ABCA4: variants seen among roughly 807,000 people sequenced by gnomAD.
The protein encoded by ABCA4 is ATP binding cassette subfamily A member 4, also known as retinal-specific phospholipid-transporting ATPase ABCA4.
A neutral mutation model predicts 263.7 loss-of-function variants in ABCA4; 196 were observed. The observed-to-expected ratio is 0.74, with a 90% CI of 0.66 to 0.84. The LOEUF is 0.84. Ranked by LOEUF, ABCA4 falls within the 40% of genes least tolerant of loss-of-function variation. The probability of loss-of-function intolerance (pLI) is 0.00; values close to 1 mark genes in which losing one functional copy is unlikely to be tolerated. For synonymous variants in ABCA4, 1,133 were observed against 1,094.2 expected, an observed-to-expected ratio of 1.04 and a Z score of -0.70; for missense variants, 2,792 against 2,855.1, an observed-to-expected ratio of 0.98 and a Z score of 0.50.
rs1014460684 is a variant in ABCA4, at chr1:94,103,010, C to G, written c.570+5G>C. 2 of 1,614,056 alleles carry G rather than the reference C, an allele frequency of 1.2e-6. No individual in the cohort carries two copies. Among genetic ancestry groups the G allele is most frequent in the African/African-American group, 1.3e-5 (1 of 74,928 alleles). On this transcript the variant is annotated splice_donor_5th_base_variant and intron_variant, in intron 5 of 49. Coordinates refer to ENST00000370225, the MANE Select transcript of ABCA4 (RefSeq NM_000350.3). ...AGGGACCACTGGCCAGTGACATCCC[C>G]CTACCTGCTCTGGACGGACTTGAGA...
intron 1 of ABCA4, 94 bp downstream of exon 1, chr1:94,120,886 T>TCCCCCCCCCCCCCCCCCCCCCCCCCCCCC: frequency 6.4e-6 from 1 of 155,290 alleles, no homozygotes; most frequent in Non-Finnish European, 1.3e-5. Flanking sequence ...CCCCCCACCC[T>TCCCCCCCCCCCCCCCCCCCCCCCCCCCCC]GCCCCACCAC....
chr1:94,029,705 G>T, intron 29 of ABCA4, 74 bp from the exon 30 acceptor site: 1 of 1,421,212 alleles, frequency 7.0e-7, no homozygotes, highest in Non-Finnish European at 9.8e-7. Context: ...AAGAAATTGT[G>T]CCCAACCCTT....
intron 5 of ABCA4, 22 bp downstream of exon 5, chr1:94,102,993 C>A (rs746102216): frequency 2.5e-6 from 4 of 1,614,148 alleles, no homozygotes; most frequent in South Asian, 1.1e-5. Flanking sequence ...CCAGGGACCA[C>A]TGGCCAGTGA....
In ABCA4 at chr1:94,036,730, A is replaced by G. The variant is rs374978842; in HGVS notation, c.3862+10T>C. On this transcript the variant is annotated intron_variant, in intron 26 of 49. Coordinates refer to ENST00000370225, the MANE Select transcript of ABCA4 (RefSeq NM_000350.3). ...AGGAAGGGAACAAGCCACTGGCTCC[A>G]GCACCATACCCGCAAACAGAGGTCC... 2 of 1,614,026 alleles carry G rather than the reference A, an allele frequency of 1.2e-6. No individual in the cohort carries two copies. The highest frequency in any genetic ancestry group is 1.7e-6 in the Non-Finnish European group (2 of 1,179,878).
In ABCA4 at chr1:94,056,758, G is replaced by A. The variant is rs201242928; in HGVS notation, c.2225C>T (p.Thr742Ile). The part of the protein sequence containing the change: ...ILFLFLLAFS[T>I]ATIMLCFLLS... ...CAGAAAGCACAGCATGATGGTGGCA[G>A]TGGAGAAAGCCAACAAGAACAGGAA... The change falls in exon 15 of 50, where the codon ACT becomes ATT. Residue 742 changes from threonine to isoleucine, a missense_variant. Thr to Ile is a moderately conservative substitution (Grantham distance 89). Coordinates refer to ENST00000370225, the MANE Select transcript of ABCA4 (RefSeq NM_000350.3). 1 of 1,613,708 alleles carries A rather than the reference G, an allele frequency of 6.2e-7. No individual in the cohort carries two copies. Among genetic ancestry groups the A allele is most frequent in the Non-Finnish European group, 8.5e-7 (1 of 1,179,788 alleles).
chr1:94,079,541 A>G, intron 8 of ABCA4, 80 bp from the exon 9 acceptor site: 1 of 1,594,734 alleles, frequency 6.3e-7, no homozygotes, highest in Non-Finnish European at 8.6e-7. Context: ...TATCCACATC[A>G]CATGTCTCAT....
chr1:94,021,985 C>T lies in ABCA4; in HGVS notation c.4668-34G>A, dbSNP rs373422068. 123 of 1,580,738 alleles carry T rather than the reference C, an allele frequency of 7.8e-5. No individual in the cohort carries two copies. In the African/African-American group the frequency reaches 1.5e-3, roughly 20 times the overall value. ...GAAACAGGAAATCCTCAGACCAGGG[C>T]CACGAACTTCACGCCTACTAGTAGC... On this transcript the variant is annotated intron_variant, in intron 32 of 49. Coordinates refer to ENST00000370225, the MANE Select transcript of ABCA4 (RefSeq NM_000350.3).
chr1:94,121,143 G>T lies in ABCA4; in HGVS notation c.-98C>A. ...AAGAGCGCCTCTGGCTCCGGACGCT[G>T]TGTCCTTCTCCTGGTGATTAAAGGC... is the stretch of plus-strand genomic sequence containing the variant. On this transcript the variant is annotated 5_prime_UTR_variant, in exon 1 of 50. Transcript: ENST00000370225. 1 of 1,056,178 alleles carries T rather than the reference G, an allele frequency of 9.5e-7. No individual in the cohort carries two copies. The highest frequency in any genetic ancestry group is 1.5e-6 in the Non-Finnish European group (1 of 672,898). 65.4% of individuals were successfully genotyped at this position (1,056,178 alleles called of 1,614,324 possible). A position where few individuals can be genotyped will look rare whatever the true frequency, so the allele number is the denominator to read the frequency against.
At chr1:94,049,763 G>A (rs1181659058) in intron 17 of ABCA4, among the ~76,000 whole-genome samples, 1 of 152,144 alleles carries the variant, frequency 6.6e-6, no homozygotes, top group East Asian at 1.9e-4. Flanking sequence ...CCAGGGTTGA[G>A]CCTGGTGATG....
chr1:94,118,656 C>G (rs1662865414), intron 1 of ABCA4, among the ~76,000 whole-genome samples: 1 of 152,230 alleles, frequency 6.6e-6, no homozygotes, highest in South Asian at 2.1e-4. Context: ...TCCAGGCCAT[C>G]AGGATGGCAT....
intron 38 of ABCA4, among the ~76,000 whole-genome samples, chr1:94,013,841 C>T (rs143582616): frequency 4.5e-4 from 69 of 152,204 alleles, no homozygotes; most frequent in African/African-American, 1.4e-3. Context: ...CATAAGAAAG[C>T]GGGAGAAAGA....
At position 94,111,591 on chromosome 1, in the gene ABCA4, A is replaced by C. The variant is rs1021852632; in HGVS notation, c.161-12T>G. The C allele has an allele frequency of 6.2e-7, 1 of 1,614,178 alleles. No homozygotes were observed. The highest frequency in any genetic ancestry group is 8.5e-7 in the Non-Finnish European group (1 of 1,180,010). On this transcript the variant is annotated splice_polypyrimidine_tract_variant and intron_variant, in intron 2 of 49. Transcript: ENST00000370225. ...GTTGGGGAAATGGCCTTTAAAACAG[A>C]AAATGAGGACAAGACGGGATTAGTC...
chr1:94,111,462 A>G lies in ABCA4; in HGVS notation c.278T>C (p.Ile93Thr), dbSNP rs1386926864. The G allele has an allele frequency of 1.2e-6, 2 of 1,614,012 alleles. No individual in the cohort carries two copies. Among genetic ancestry groups the G allele is most frequent in the Non-Finnish European group, 1.7e-6 (2 of 1,180,012 alleles). ...QSPTPGESPGIVSNYNNSILA... is the reference protein window; with the variant it reads ...QSPTPGESPGTVSNYNNSILA... ...CATGGAGTTGTTATAGTTTGACACA[A>G]TTCCAGGAGATTCTCCTGGGGTGGG... is the stretch of plus-strand genomic sequence containing the variant. The change falls in exon 3 of 50, where the codon ATT becomes ACT. Residue 93 changes from isoleucine (I) to threonine (T), a missense_variant. Ile to Thr is a moderately conservative substitution (Grantham distance 89, BLOSUM62 -1). Coordinates refer to ENST00000370225, the MANE Select transcript of ABCA4 (RefSeq NM_000350.3).
intron 47 of ABCA4, among the ~76,000 whole-genome samples, chr1:94,000,532 A>G (rs12070273): frequency 0.13 from 19,342 of 152,132 alleles, 2,038 homozygotes; most frequent in African/African-American, 0.29. Context: ...ATAAGTGGTG[A>G]AATATTGAGG....
At chr1:93,997,836 T>C (rs1659049923) in intron 48 of ABCA4, 25 bp downstream of exon 48, 1 of 1,613,710 alleles carries the variant, frequency 6.2e-7, no homozygotes, top group South Asian at 1.1e-5. Context: ...TTTGCTCAGC[T>C]CTCGGTGCCC....
At chr1:94,107,770 C>A (rs1007950553) in intron 4 of ABCA4, among the ~76,000 whole-genome samples, 1 of 152,216 alleles carries the variant, frequency 6.6e-6, no homozygotes. Flanking sequence ...CCAGTCATCA[C>A]CCACCCTACC....
rs1571242118 is a variant in ABCA4, at chr1:94,001,052, G to A, written c.6336C>T (p.Val2112=). The change falls in exon 46 of 50, where the codon GTC becomes GTT. Residue 2112 remains valine, a synonymous_variant. Coordinates refer to ENST00000370225, the MANE Select transcript of ABCA4 (RefSeq NM_000350.3). ...DPQARRMLWN[V]IVSIIREGRA... ...TCCCTTCTCTGATGATGCTCACGAT[G>A]ACGTTCCACAGCATGCGGCGTGCCT... The A allele has an allele frequency of 6.2e-7, 1 of 1,614,178 alleles. No individual in the cohort carries two copies. The highest frequency in any genetic ancestry group is 8.5e-7 in the Non-Finnish European group (1 of 1,180,026).
At chr1:94,076,773 AT>A (rs1661547326) in intron 11 of ABCA4, among the ~76,000 whole-genome samples, 1 of 152,226 alleles carries the variant, frequency 6.6e-6, no homozygotes, top group Non-Finnish European at 1.5e-5. Context: ...TGGACCCTGG[AT>A]TCCAGGAAGG....
chr1:94,073,362 A>T (rs1195351519), intron 11 of ABCA4, among the ~76,000 whole-genome samples: 1 of 152,200 alleles, frequency 6.6e-6, no homozygotes, highest in African/African-American at 2.4e-5. Flanking sequence ...GCCCTCGTGA[A>T]GTCCTGGCGG....
Sources: gnomAD v4.1 joint callset for allele counts (sites outside exome capture counted in the v4.1 genomes callset) on GRCh38, gnomAD v4.1.1 for gene constraint, MANE v1.5 for transcripts, NCBI Gene and HGNC (gene_info 2026-07-23, HGNC 2026-07-21) for gene names.